Variants in KIAA1671 observed in about 807,000 individuals in gnomAD.
KIAA1671 encodes the protein KIAA1671.
Under a neutral mutation model 131.2 loss-of-function variants are expected in KIAA1671, and 52 were observed. The observed-to-expected ratio is 0.40, with a 90% CI of 0.32 to 0.50. The LOEUF (loss-of-function observed/expected upper bound fraction) is 0.50. Ranked by LOEUF, KIAA1671 falls within the 20% of genes least tolerant of loss-of-function variation. The probability of loss-of-function intolerance (pLI) is 0.73; values close to 1 mark genes in which losing one functional copy is unlikely to be tolerated. For missense variants in KIAA1671, 2,360 were observed against 2,364.2 expected, an observed-to-expected ratio of 1.00 and a Z score of 0.04; for synonymous variants, 1,003 against 961.6, an observed-to-expected ratio of 1.04 and a Z score of -0.80.
intron 6 of KIAA1671, among the ~76,000 whole-genome samples, chr22:25,069,812 G>A (rs747121638): frequency 6.6e-6 from 1 of 152,122 alleles, no homozygotes; most frequent in Non-Finnish European, 1.5e-5. Flanking sequence ...TGTGGTTTGG[G>A]GAGGAGGAAC....
chr22:25,084,457 C>A (rs1484129796), intron 6 of KIAA1671, among the ~76,000 whole-genome samples: 13 of 128,458 alleles, frequency 1.0e-4, no homozygotes, highest in South Asian at 5.2e-4. Context: ...GACTCTATCT[C>A]AAAAAAAAAA....
rs1933963261 is a variant in KIAA1671, at chr22:25,174,609, T to C, written c.4899+120T>C. 15 of 1,177,522 alleles carry C rather than the reference T, an allele frequency of 1.3e-5. No individual in the cohort carries two copies. The Admixed American group carries it at 2.6e-4, about 21-fold the overall frequency. 72.9% of individuals were successfully genotyped at this position (1,177,522 alleles called of 1,614,324 possible). A position where few individuals can be genotyped will look rare whatever the true frequency, so the allele number is the denominator to read the frequency against. ...CCCTTGGAGTGGGTACGGAGGGCAC[T>C]GTCTTTGAAATGGGACTCACTTATG... On this transcript the variant is annotated intron_variant, in intron 8 of 12. Coordinates refer to ENST00000358431, the MANE Select transcript of KIAA1671 (RefSeq NM_001145206.2).
chr22:25,048,687 G>T (rs2145818979), intron 5 of KIAA1671, among the ~76,000 whole-genome samples: 1 of 152,282 alleles, frequency 6.6e-6, no homozygotes, highest in South Asian at 2.1e-4. Flanking sequence ...TGTACTGGAG[G>T]TGCTGTGCTG....
chr22:25,041,546 T>A, intron 5 of KIAA1671, 21 bp downstream of exon 5: 1 of 1,497,086 alleles, frequency 6.7e-7, no homozygotes, highest in Non-Finnish European at 8.9e-7. Context: ...AGACACTTTT[T>A]AATTTTGTCA....
At chr22:25,167,229 C>G (rs1601376170) in intron 6 of KIAA1671, among the ~76,000 whole-genome samples, 1 of 152,320 alleles carries the variant, frequency 6.6e-6, no homozygotes, top group East Asian at 1.9e-4. Flanking sequence ...AACAGCTATC[C>G]CTATGTGCTG....
chr22:25,012,972 G>T (rs1855175436), intron 1 of KIAA1671: 1 of 152,272 alleles, frequency 6.6e-6, no homozygotes, highest in African/African-American at 2.4e-5. Flanking sequence ...GCCCCACTCA[G>T]TCTATCCTGT....
At chr22:25,013,593 G>A (rs183967872) in intron 1 of KIAA1671, 24 of 152,336 alleles carry the variant, frequency 1.6e-4, no homozygotes, top group Admixed American at 1.6e-3. Context: ...TCTCCCTAAG[G>A]AGAGAGCGTG....
intron 6 of KIAA1671, among the ~76,000 whole-genome samples, chr22:25,099,912 C>T (rs987402889): frequency 2.6e-5 from 4 of 152,200 alleles, no homozygotes; most frequent in African/African-American, 9.7e-5. Flanking sequence ...CTCCTGTGTG[C>T]TCTTGGCTTG....
chr22:25,097,541 C>A (rs113409834), intron 6 of KIAA1671, among the ~76,000 whole-genome samples: 250 of 152,132 alleles, frequency 1.6e-3, no homozygotes, highest in African/African-American at 5.9e-3. Context: ...GAGATGGAGA[C>A]CATCCTGGCT....
At chr22:25,066,695 G>A (rs1424165965) in intron 6 of KIAA1671, among the ~76,000 whole-genome samples, 1 of 152,174 alleles carries the variant, frequency 6.6e-6, no homozygotes, top group East Asian at 1.9e-4. Flanking sequence ...CAGGTTCTAG[G>A]TGGACATATG....
chr22:25,101,355 G>T (rs1432796798), intron 6 of KIAA1671, among the ~76,000 whole-genome samples: 1 of 152,246 alleles, frequency 6.6e-6, no homozygotes, highest in Non-Finnish European at 1.5e-5. Flanking sequence ...GCTTTGCCAT[G>T]CCAGGCAGGG....
chr22:25,007,531 G>A (rs1352548481), intron 1 of KIAA1671, among the ~76,000 whole-genome samples: 1 of 151,836 alleles, frequency 6.6e-6, no homozygotes, highest in Non-Finnish European at 1.5e-5. Context: ...GTTGAGGTAG[G>A]AGGCGGGACT....
At chr22:25,070,078 C>T in intron 6 of KIAA1671, 1 of 330,758 alleles carries the variant, frequency 3.0e-6, no homozygotes, top group Non-Finnish European at 5.4e-6. Flanking sequence ...GGTGAGGGTC[C>T]AGGCAGCTGG....
chr22:25,084,823 G>C (rs1335917377), intron 6 of KIAA1671, among the ~76,000 whole-genome samples: 1 of 152,228 alleles, frequency 6.6e-6, no homozygotes, highest in Non-Finnish European at 1.5e-5. Context: ...TCACCCATGT[G>C]TTTGGCACAC....
At chr22:25,149,606 C>A (rs1186014532) in intron 6 of KIAA1671, among the ~76,000 whole-genome samples, 1 of 152,068 alleles carries the variant, frequency 6.6e-6, no homozygotes, top group African/African-American at 2.4e-5. Context: ...GAAGACCCCC[C>A]ACTTTTATTT....
intron 6 of KIAA1671, among the ~76,000 whole-genome samples, chr22:25,168,368 A>T (rs760279860): frequency 4.6e-5 from 7 of 152,150 alleles, no homozygotes; most frequent in Non-Finnish European, 8.8e-5. Flanking sequence ...AATATAAATT[A>T]TGTGTCACGT....
intron 1 of KIAA1671, among the ~76,000 whole-genome samples, chr22:24,969,200 C>T (rs1025176407): frequency 3.3e-5 from 5 of 152,342 alleles, no homozygotes; most frequent in Middle Eastern, 6.8e-3. Flanking sequence ...CGTGCCCGGC[C>T]TCGTTTTTGT....
chr22:25,184,950 A>G (rs1349737459), intron 10 of KIAA1671, 27 bp from the exon 11 acceptor site: 6 of 1,550,488 alleles, frequency 3.9e-6, no homozygotes, highest in Middle Eastern at 2.0e-4. Flanking sequence ...AGGGCAGCTT[A>G]TAGACTCAGC....
chr22:24,972,378 C>T (rs1234459866), intron 1 of KIAA1671, among the ~76,000 whole-genome samples: 1 of 152,162 alleles, frequency 6.6e-6, no homozygotes, highest in African/African-American at 2.4e-5. Flanking sequence ...TACCGTATAG[C>T]TGCTTTCCAT....
Sources: gnomAD v4.1 joint callset for allele counts (sites outside exome capture counted in the v4.1 genomes callset) on GRCh38, gnomAD v4.1.1 for gene constraint, MANE v1.5 for transcripts, NCBI Gene and HGNC (gene_info 2026-07-23, HGNC 2026-07-21) for gene names.